KIDINS220: variants seen among roughly 807,000 people sequenced by gnomAD.
The protein encoded by KIDINS220 is kinase D-interacting substrate of 220 kDa.
A neutral mutation model predicts 157.6 loss-of-function variants in KIDINS220; 63 were observed. That is an observed-to-expected ratio of 0.40 (90% CI 0.33 to 0.49). The LOEUF (loss-of-function observed/expected upper bound fraction) is 0.49. Among genes scored for constraint, KIDINS220 ranks in the 20% least tolerant of loss-of-function variants. The pLI, the probability that KIDINS220 is intolerant of heterozygous loss-of-function variation, is 0.66. For synonymous variants in KIDINS220, 732 were observed against 783.6 expected (o/e 0.93, Z 1.10); for missense variants, 1,772 against 2,171.2 (o/e 0.82, Z 3.65).
intron 22 of KIDINS220, among the ~76,000 whole-genome samples, chr2:8,766,069 T>C (rs1669445444): frequency 6.6e-6 from 1 of 152,000 alleles, no homozygotes; most frequent in South Asian, 2.1e-4. Context: ...ATCAGGGTAA[T>C]GGCCACACAT....
chr2:8,768,505 T>C (rs1267418016), intron 22 of KIDINS220, among the ~76,000 whole-genome samples: 1 of 152,182 alleles, frequency 6.6e-6, no homozygotes, highest in Non-Finnish European at 1.5e-5. Flanking sequence ...AACCAACATT[T>C]TCTTTTTCAC....
chr2:8,779,190 A>C (rs1558403813), intron 18 of KIDINS220, 51 bp from the exon 19 acceptor site: 7 of 1,583,446 alleles, frequency 4.4e-6, no homozygotes, highest in Non-Finnish European at 5.2e-6. Flanking sequence ...ATTGTCCAAA[A>C]GAATAAGGCA....
chr2:8,817,311 C>A (rs149561449), intron 4 of KIDINS220, among the ~76,000 whole-genome samples: 31 of 152,124 alleles, frequency 2.0e-4, no homozygotes, highest in African/African-American at 7.2e-4. Context: ...TAAAGTCCTA[C>A]CTAAAGGAAA....
At chr2:8,754,257 A>G (rs764930274) in intron 22 of KIDINS220, among the ~76,000 whole-genome samples, 4 of 152,234 alleles carry the variant, frequency 2.6e-5, no homozygotes, top group Non-Finnish European at 5.9e-5. Flanking sequence ...TCACAAGCCA[A>G]CAGGCTACTG....
chr2:8,750,037 C>T, intron 24 of KIDINS220, 75 bp downstream of exon 24: 1 of 1,300,644 alleles, frequency 7.7e-7, no homozygotes, highest in Non-Finnish European at 1.1e-6. Context: ...AAAACCAAAA[C>T]AGAATCCACA....
intron 17 of KIDINS220, among the ~76,000 whole-genome samples, chr2:8,780,627 G>C (rs1416110629): frequency 6.6e-6 from 1 of 151,890 alleles, no homozygotes; most frequent in East Asian, 1.9e-4. Flanking sequence ...AATGATACAA[G>C]GGACGGGAGA....
At position 8,733,660 on chromosome 2, in the gene KIDINS220, T is replaced by C. The variant is rs776007254; in HGVS notation, c.3837A>G (p.Ala1279=). Residue 1279 remains alanine (A), a synonymous_variant, in exon 29 of 30, where the codon GCA becomes GCG. Transcript: ENST00000256707. The part of the protein sequence containing the change: ...FRSTVLEMRN[A]ESHVVPEDPR... ...GGTCTTCAGGGACCACGTGGCTTTCTGCGTTTCTCATTTCTAGTACCTTAA... is the reference window on the plus strand; with the variant it reads ...GGTCTTCAGGGACCACGTGGCTTTCCGCGTTTCTCATTTCTAGTACCTTAA... The C allele has an allele frequency of 2.5e-6, 4 of 1,581,712 alleles. No homozygotes were observed. Among genetic ancestry groups the C allele is most frequent in the Non-Finnish European group, 3.4e-6 (4 of 1,160,996 alleles).
At chr2:8,757,254 C>T (rs1572522946) in intron 22 of KIDINS220, 2 of 986,870 alleles carry the variant, frequency 2.0e-6, no homozygotes, top group Non-Finnish European at 2.4e-6. Context: ...AAATCCCATA[C>T]AAATGGAATG....
chr2:8,818,234 G>A (rs1285821355), intron 3 of KIDINS220, among the ~76,000 whole-genome samples: 1 of 152,122 alleles, frequency 6.6e-6, no homozygotes, highest in East Asian at 1.9e-4. Flanking sequence ...AGATGTAGCT[G>A]TGTGACCCTC....
In KIDINS220 at chr2:8,731,953, C is replaced by T. The variant is rs374173644; in HGVS notation, c.4083G>A (p.Ser1361=). Residue 1361 remains serine (S), a synonymous_variant, in exon 30 of 30, where the codon TCG becomes TCA. Transcript: ENST00000256707. The surrounding 1 kb of genome is among the most constrained non-coding windows in gnomAD (Gnocchi z 5.2). ...QSQTRRTPSL[S]SLNSQDSSIE... is the part of the protein sequence containing the mutation. ...TACTGGAATCCTGGGAATTGAGACT[C>T]GAAAGACTTGGGGTTCTGCGAGTTT... 90 of 1,595,298 alleles carry T rather than the reference C, an allele frequency of 5.6e-5. No homozygotes were observed. The South Asian group carries it at 9.4e-4, about 17-fold the overall frequency.
chr2:8,788,548 C>T (rs564492514), intron 15 of KIDINS220, 99 bp downstream of exon 15: 24 of 1,171,020 alleles, frequency 2.0e-5, no homozygotes, highest in Non-Finnish European at 2.8e-5. Context: ...GGATTACAAG[C>T]GTGAGCCACC....
In KIDINS220 at chr2:8,759,394, G is replaced by A. The variant is rs187076809; in HGVS notation, c.3012-7750C>T. ...CATTAAACAAAAACTATTTCCCACC[G>A]AGGGTGTATATCTCCAAGATGACCT... On this transcript the variant is annotated intron_variant, in intron 22 of 29. Transcript: ENST00000256707. 3.3e-4 allele frequency among the ~76,000 whole-genome samples: 50 copies of A among 151,668 alleles called. No individual in the cohort carries two copies. The East Asian group carries it at 7.5e-3, about 23-fold the overall frequency.
At chr2:8,727,241 TC>T (rs1663411188), downstream of KIDINS220, 1 of 1,096,104 alleles carries the variant, frequency 9.1e-7, no homozygotes, top group Admixed American at 4.1e-5. Flanking sequence ...ACTGGTTTCT[TC>T]CCTTCCGCCC....
chr2:8,733,492 C>T lies in KIDINS220; in HGVS notation c.4005G>A (p.Thr1335=), dbSNP rs376711166. The T allele has an allele frequency of 1.4e-5, 23 of 1,613,992 alleles. No individual in the cohort carries two copies. The Admixed American group carries it at 2.8e-4, about 20-fold the overall frequency. The change falls in exon 29 of 30, where the codon ACG becomes ACA. Residue 1335 remains threonine (T), a synonymous_variant. Transcript: ENST00000256707. ...GAGGGGCACCTTCATCCAGGCCAAG[C>T]GTGTTCAGCTCTTCGAAGCTGAAGT... ...TLNFSFEELN[T]LGLDEGAPRH... is the part of the protein sequence containing the mutation.
At chr2:8,724,744 A>C (rs1005014511), downstream of KIDINS220, 1 of 152,302 alleles carries the variant, frequency 6.6e-6, no homozygotes, top group African/African-American at 2.4e-5. The surrounding 1 kb of genome is among the most constrained non-coding windows in gnomAD (Gnocchi z 4.6). Flanking sequence ...CTCCTACCTC[A>C]GCCTCCCGAA....
chr2:8,818,905 T>G (rs1184477448), intron 2 of KIDINS220, 112 bp from the exon 3 acceptor site: 2 of 496,732 alleles, frequency 4.0e-6, no homozygotes, highest in Non-Finnish European at 7.2e-6. Flanking sequence ...ATTGTTTAGT[T>G]GTGTTTACTA....
chr2:8,794,957 C>T (rs1673701993), intron 11 of KIDINS220, among the ~76,000 whole-genome samples: 1 of 152,150 alleles, frequency 6.6e-6, no homozygotes, highest in Admixed American at 6.5e-5. Flanking sequence ...CTCTGTGCTT[C>T]GTACTTTGGA....
chr2:8,803,103 C>T lies in KIDINS220; in HGVS notation c.628G>A (p.Ala210Thr). The T allele has an allele frequency of 2.5e-6, 4 of 1,610,930 alleles. No homozygotes were observed. Among genetic ancestry groups the T allele is most frequent in the Non-Finnish European group, 3.4e-6 (4 of 1,179,640 alleles). ...GANSMTALIV[A>T]VKGGYTQSVK... Reference sequence around the variant, plus strand: ...GACTGTGTGTAACCTCCTTTCACTGCCACAATAAGTGCAGTCATTGAATTC... The same window carrying T: ...GACTGTGTGTAACCTCCTTTCACTGTCACAATAAGTGCAGTCATTGAATTC... Residue 210 changes from alanine (A) to threonine (T), a missense_variant, in exon 8 of 30, where the codon GCA becomes ACA. By Grantham distance (58) the Ala-to-Thr change is moderately conservative. Coordinates refer to ENST00000256707, the MANE Select transcript of KIDINS220 (RefSeq NM_020738.4).
intron 26 of KIDINS220, among the ~76,000 whole-genome samples, chr2:8,745,098 T>C (rs911547527): frequency 6.6e-6 from 1 of 152,210 alleles, no homozygotes; most frequent in African/African-American, 2.4e-5. Flanking sequence ...CAGACACCTT[T>C]TAATGACATG....
Sources: gnomAD v4.1 joint callset for allele counts (sites outside exome capture counted in the v4.1 genomes callset) on GRCh38, gnomAD v4.1.1 for gene constraint, Gnocchi (gnomAD v3.1) non-coding constraint, MANE v1.5 for transcripts, NCBI Gene and HGNC (gene_info 2026-07-23, HGNC 2026-07-21) for gene names.